The following PGAP2 variants were observed in gnomAD, a reference collection of about 807,000 sequenced individuals.
PGAP2 encodes the protein acyltransferase PGAP2.
In PGAP2, 21 loss-of-function variants were observed where a neutral mutation model predicts 33.2. The observed-to-expected ratio is 0.63, with a 90% CI of 0.45 to 0.91. The LOEUF (loss-of-function observed/expected upper bound fraction) is 0.91, where lower values mean the gene tolerates loss of function less well. PGAP2 is among the 40% of genes least tolerant of loss of function. The pLI, the probability that PGAP2 is intolerant of heterozygous loss-of-function variation, is 0.00. For missense variants in PGAP2, 345 were observed against 424.0 expected (o/e 0.81, Z 1.64); for synonymous variants, 161 against 172.9 (o/e 0.93, Z 0.54).
At chr11:3,814,774 TTC>T (rs1491380005) in intron 2 of PGAP2, among the ~76,000 whole-genome samples, 13 of 104,628 alleles carry the variant, frequency 1.2e-4, no homozygotes, top group Non-Finnish European at 2.1e-4. Flanking sequence ...CTTTCTTTCT[TTC>T]TTTCTTTCTT....
At chr11:3,824,712 A>G (rs1476771460) in intron 5 of PGAP2, 24 of 1,054,748 alleles carry the variant, frequency 2.3e-5, no homozygotes, top group Non-Finnish European at 2.9e-5. Flanking sequence ...CCACCCATGT[A>G]CATGGGTTTC....
chr11:3,824,892 C>A, intron 5 of PGAP2, 128 bp from the exon 6 acceptor site: 2 of 1,496,326 alleles, frequency 1.3e-6, no homozygotes, highest in South Asian at 1.4e-5. Flanking sequence ...CCTGCCTGTG[C>A]TCCCTTCCAT....
At position 3,825,380 on chromosome 11, in the gene PGAP2, G is replaced by A. The variant is rs754588685; in HGVS notation, c.870G>A (p.Ala290=). 47 of 1,613,744 alleles carry A rather than the reference G, an allele frequency of 2.9e-5. No homozygotes were observed. The highest frequency in any genetic ancestry group is 4.5e-5 in the East Asian group (2 of 44,884). ...LEYTVVLTNM[A]FHMTAWWDFG... Reference sequence around the variant, plus strand: ...ACACTGTTGTCTTAACCAACATGGCGTTCCACATGACGGCCTGGTGGGACT... The same window carrying A: ...ACACTGTTGTCTTAACCAACATGGCATTCCACATGACGGCCTGGTGGGACT... Residue 290 remains alanine (A), a synonymous_variant, in exon 7 of 7, where the codon GCG becomes GCA. Transcript: ENST00000278243.
At chr11:3,810,814 A>C (rs2085390969) in intron 1 of PGAP2, among the ~76,000 whole-genome samples, 1 of 152,194 alleles carries the variant, frequency 6.6e-6, no homozygotes. Flanking sequence ...AGCTGATGAG[A>C]GGCCTTGAAG....
At position 3,824,903 on chromosome 11, in the gene PGAP2, GA is replaced by G; in HGVS notation, c.709-116del. 3 of 1,517,094 alleles carry G rather than the reference GA, an allele frequency of 2.0e-6. No individual in the cohort carries two copies. The East Asian group carries it at 6.9e-5, about 35-fold the overall frequency. 94.0% of individuals were successfully genotyped at this position (1,517,094 alleles called of 1,614,324 possible). ...TGCCCCTGCCTGTGCTCCCTTCCAT[GA>G]CCGCTAGTGGGAGCCAAGGGAGATA... is the stretch of plus-strand genomic sequence containing the variant. On this transcript the variant is annotated intron_variant, in intron 5 of 6. Transcript: ENST00000278243.
chr11:3,803,783 C>CTATA (rs528592674), upstream of PGAP2, among the ~76,000 whole-genome samples: 136 of 133,366 alleles, frequency 1.0e-3, no homozygotes, highest in African/African-American at 8.1e-4. Flanking sequence ...GAATTTACTG[C>CTATA]TATATATATA....
At chr11:3,804,988 C>T (rs111766177), upstream of PGAP2, among the ~76,000 whole-genome samples, 1 of 152,204 alleles carries the variant, frequency 6.6e-6, no homozygotes, top group Non-Finnish European at 1.5e-5. Context: ...AGGCGTGAGC[C>T]ACCGCACCCG....
At chr11:3,797,720 A>C, upstream of PGAP2, 1 of 1,092,072 alleles carries the variant, frequency 9.2e-7, no homozygotes, top group Non-Finnish European at 1.3e-6. Context: ...GAGGAGGGGC[A>C]GAAGGAGTTC....
intron 1 of PGAP2, among the ~76,000 whole-genome samples, chr11:3,799,945 G>A (rs1229039521): frequency 6.6e-6 from 1 of 152,166 alleles, no homozygotes; most frequent in Non-Finnish European, 1.5e-5. Flanking sequence ...TCCCGCCTGG[G>A]CAACAGACGG....
intron 3 of PGAP2, among the ~76,000 whole-genome samples, chr11:3,821,888 C>G (rs2088765326): frequency 6.7e-6 from 1 of 149,382 alleles, no homozygotes; most frequent in Non-Finnish European, 1.5e-5. Context: ...CATGGCAAAA[C>G]CCTGTTGCTA....
rs1471199797 is a variant in PGAP2, at chr11:3,816,516, C to A, written c.166-837C>A. Among the ~76,000 whole-genome samples, 5 of 152,246 alleles carry A rather than the reference C, an allele frequency of 3.3e-5. No homozygotes were observed. In the East Asian group the frequency reaches 9.7e-4, roughly 29 times the overall value. On this transcript the variant is annotated intron_variant, in intron 2 of 6. Coordinates refer to ENST00000278243, the MANE Select transcript of PGAP2 (RefSeq NM_014489.4). ...GTCTGGGTCTGACCTGGACAGAGAT[C>A]TCCTGGGTCTGGCCCAGGACAGCAG...
At chr11:3,824,170 T>A (rs940444367) in intron 4 of PGAP2, 35 bp downstream of exon 4, 2 of 1,613,128 alleles carry the variant, frequency 1.2e-6, no homozygotes, top group African/African-American at 2.7e-5. Flanking sequence ...TGGGGAAGTG[T>A]TCCCTGAGGG....
chr11:3,814,678 G>A (rs1474886219), intron 2 of PGAP2, among the ~76,000 whole-genome samples: 1 of 151,374 alleles, frequency 6.6e-6, no homozygotes, highest in Non-Finnish European at 1.5e-5. Context: ...CTTCCAGAGT[G>A]CTAGGATTAC....
At position 3,824,359 on chromosome 11, in the gene PGAP2, CA is replaced by C; in HGVS notation, c.692del (p.His231ProfsTer3). 1 of 1,614,200 alleles carries C rather than the reference CA, an allele frequency of 6.2e-7. No individual in the cohort carries two copies. Among genetic ancestry groups the C allele is most frequent in the Non-Finnish European group, 8.5e-7 (1 of 1,179,996 alleles). ...CATTCTCTGGCGGTTGACCAAGAAG[CA>C]CACAGTAAGTCAGGAGGTACGGTCT... ...TCILWRLTKKHTVSQEDRKSY... is the reference protein window; with the variant it reads ...TCILWRLTKKXTVSQEDRKSY... On this transcript the variant is annotated frameshift_variant, in exon 5 of 7. Coordinates refer to ENST00000278243, the MANE Select transcript of PGAP2 (RefSeq NM_014489.4). LOFTEE classifies it high-confidence loss of function.
intron 5 of PGAP2, 119 bp from the exon 6 acceptor site, chr11:3,824,901 A>T: frequency 2.0e-6 from 3 of 1,514,946 alleles, no homozygotes; most frequent in East Asian, 2.3e-5. Context: ...GCTCCCTTCC[A>T]TGACCGCTAG....
chr11:3,797,891 G>A, exon 1 of PGAP2: 1 of 1,549,200 alleles, frequency 6.5e-7, no homozygotes. Flanking sequence ...GGGTGGTGAC[G>A]CAACATAGAG....
At position 3,824,131 on chromosome 11, in the gene PGAP2, C is replaced by T. The variant is rs767118417; in HGVS notation, c.597C>T (p.Asp199=). The change falls in exon 4 of 7, where the codon GAC becomes GAT. Residue 199 remains aspartate, a synonymous_variant. Coordinates refer to ENST00000278243, the MANE Select transcript of PGAP2 (RefSeq NM_014489.4). ...LVLTYVSSSE[D]FTIHENAFIV... is the part of the protein sequence containing the mutation. ...TCACTTATGTCTCCTCCTCCGAGGA[C>T]TTCAGTGGGTGCCTGGATGAGGGAG... The T allele has an allele frequency of 6.2e-7, 1 of 1,614,018 alleles. No individual in the cohort carries two copies. Among genetic ancestry groups the T allele is most frequent in the East Asian group, 2.2e-5 (1 of 44,884 alleles).
At chr11:3,824,182 A>G in intron 4 of PGAP2, 47 bp downstream of exon 4, 1 of 1,612,458 alleles carries the variant, frequency 6.2e-7, no homozygotes, top group East Asian at 2.2e-5. Context: ...CCCTGAGGGG[A>G]CGGGCCTGCC....
chr11:3,826,344 T>G lies in PGAP2; in HGVS notation c.*886T>G, dbSNP rs565493170. On this transcript the variant is annotated 3_prime_UTR_variant, in exon 7 of 7. Transcript: ENST00000278243. ...TTTGAAAGGAAAATAAATTTTTTTT[T>G]TGGGCCAACAGTTGCCTAGGCTTGC... The G allele has an allele frequency of 6.2e-4, 95 of 152,240 alleles. No homozygotes were observed. Among genetic ancestry groups the G allele is most frequent in the African/African-American group, 2.2e-3 (93 of 41,520 alleles). 9.4% of individuals were successfully genotyped at this position (152,240 alleles called of 1,614,324 possible).
Sources: gnomAD v4.1 joint callset for allele counts (sites outside exome capture counted in the v4.1 genomes callset) on GRCh38, gnomAD v4.1.1 for gene constraint, MANE v1.5 for transcripts, NCBI Gene and HGNC (gene_info 2026-07-23, HGNC 2026-07-21) for gene names.